GPC6: variants seen among roughly 807,000 people sequenced by gnomAD.
GPC6 encodes glypican-6.
Under a neutral mutation model 55.2 loss-of-function variants are expected in GPC6, and 14 were observed. The ratio of observed to expected loss-of-function variants is 0.25; its 90% CI spans 0.17 to 0.40. The LOEUF (loss-of-function observed/expected upper bound fraction) is 0.40. Ranked by LOEUF, GPC6 falls within the 10% of genes least tolerant of loss-of-function variation. The pLI is 1.00. For synonymous variants in GPC6, 278 were observed against 259.6 expected (o/e 1.07, Z -0.68); for missense variants, 641 against 708.5 (o/e 0.90, Z 1.08).
chr13:93,895,334 TG>T (rs1375887521), intron 3 of GPC6, among the ~76,000 whole-genome samples: 1 of 148,176 alleles, frequency 6.7e-6, no homozygotes, highest in Non-Finnish European at 1.5e-5. Context: ...GAGTCTGTGC[TG>T]GGCAATCATC....
intron 1 of GPC6, among the ~76,000 whole-genome samples, chr13:93,440,137 C>A (rs1249540696): frequency 5.3e-5 from 8 of 152,098 alleles, no homozygotes; most frequent in Non-Finnish European, 1.2e-4. Flanking sequence ...TATCTTGAGA[C>A]CTGATAATCA....
chr13:93,231,380 C>CACATAT (rs1566533500), intron 1 of GPC6, among the ~76,000 whole-genome samples: 1 of 30,938 alleles, frequency 3.2e-5, no homozygotes, highest in Non-Finnish European at 6.0e-5. Flanking sequence ...TATATATATA[C>CACATAT]ATATATATAT....
intron 6 of GPC6, among the ~76,000 whole-genome samples, chr13:94,316,262 G>C (rs979735027): frequency 6.6e-6 from 1 of 151,956 alleles, no homozygotes; most frequent in Non-Finnish European, 1.5e-5. Flanking sequence ...ATCCTTTTTC[G>C]GTCAGGCTGA....
chr13:93,726,512 C>T (rs1883649363), intron 2 of GPC6, among the ~76,000 whole-genome samples: 1 of 152,038 alleles, frequency 6.6e-6, no homozygotes, highest in African/African-American at 2.4e-5. Context: ...TATTTTCCTT[C>T]CCTCGGGGTA....
chr13:93,991,608 G>C (rs988065833), intron 3 of GPC6, among the ~76,000 whole-genome samples: 2 of 152,072 alleles, frequency 1.3e-5, no homozygotes, highest in African/African-American at 4.8e-5. Context: ...ATGCCATTCT[G>C]TAGTGGTAGT....
chr13:94,258,410 G>C (rs1312044909), intron 4 of GPC6, among the ~76,000 whole-genome samples: 1 of 152,142 alleles, frequency 6.6e-6, no homozygotes, highest in Non-Finnish European at 1.5e-5. Flanking sequence ...ATTCAAAGTT[G>C]AATTACCATG....
chr13:94,093,490 G>C (rs1885560311), intron 4 of GPC6, among the ~76,000 whole-genome samples: 1 of 151,990 alleles, frequency 6.6e-6, no homozygotes, highest in African/African-American at 2.4e-5. Context: ...GTGCCATGCT[G>C]TTTTGATTAC....
intron 6 of GPC6, among the ~76,000 whole-genome samples, chr13:94,364,316 A>G (rs1879194195): frequency 6.6e-6 from 1 of 152,230 alleles, no homozygotes; most frequent in African/African-American, 2.4e-5. Flanking sequence ...GGGTCTAATC[A>G]TAAGCAGAGT....
chr13:93,319,832 T>C (rs575761418), intron 1 of GPC6, among the ~76,000 whole-genome samples: 5 of 152,032 alleles, frequency 3.3e-5, no homozygotes, highest in Non-Finnish European at 7.4e-5. Flanking sequence ...AAAATACATA[T>C]GTATTTTTCT....
At chr13:93,568,682 A>T (rs1365680747) in intron 2 of GPC6, among the ~76,000 whole-genome samples, 1 of 152,196 alleles carries the variant, frequency 6.6e-6, no homozygotes, top group East Asian at 1.9e-4. Flanking sequence ...ACCTCTGCAC[A>T]TCCTTACAAC....
intron 1 of GPC6, among the ~76,000 whole-genome samples, chr13:93,454,388 A>G (rs1285453698): frequency 7.8e-6 from 1 of 128,784 alleles, no homozygotes; most frequent in Admixed American, 7.9e-5. Flanking sequence ...ACCCTGAGCT[A>G]GACACAGGGT....
At chr13:93,741,900 A>G (rs754103137) in intron 2 of GPC6, among the ~76,000 whole-genome samples, 4 of 152,208 alleles carry the variant, frequency 2.6e-5, no homozygotes, top group African/African-American at 9.6e-5. Flanking sequence ...CCAATTTTAT[A>G]GTTTTCACTA....
At chr13:94,202,578 T>C (rs1158924184) in intron 4 of GPC6, among the ~76,000 whole-genome samples, 1 of 152,088 alleles carries the variant, frequency 6.6e-6, no homozygotes, top group Non-Finnish European at 1.5e-5. Context: ...TCCCACCGGG[T>C]CCCTCCCACA....
chr13:93,584,489 CTG>C (rs1188284190), intron 2 of GPC6, among the ~76,000 whole-genome samples: 3 of 151,812 alleles, frequency 2.0e-5, no homozygotes, highest in Non-Finnish European at 4.4e-5. Context: ...GAATGTGTGT[CTG>C]TGTATGCATC....
chr13:93,529,143 C>T (rs1398460262), intron 1 of GPC6, among the ~76,000 whole-genome samples: 1 of 152,098 alleles, frequency 6.6e-6, no homozygotes, highest in Admixed American at 6.6e-5. Context: ...AATATTTTTA[C>T]TTCTTATGAT....
chr13:93,448,350 G>C (rs542447394), intron 1 of GPC6, among the ~76,000 whole-genome samples: 1 of 152,198 alleles, frequency 6.6e-6, no homozygotes, highest in East Asian at 1.9e-4. Context: ...ATATAGCCTT[G>C]GTGTACAGTA....
chr13:93,750,328 G>A lies in GPC6; in HGVS notation c.320-79826G>A, dbSNP rs537402765. 3.9e-5 allele frequency among the ~76,000 whole-genome samples: 6 copies of A among 152,268 alleles called. No homozygotes were observed. The South Asian group carries it at 1.2e-3, about 32-fold the overall frequency. On this transcript the variant is annotated intron_variant, in intron 2 of 8. Coordinates refer to ENST00000377047, the MANE Select transcript of GPC6 (RefSeq NM_005708.5). ...ACTAGAATACAAGGAGCTACTGCTG[G>A]AAGGTAGTTAACCTTTTTTCCCTTT...
intron 4 of GPC6, among the ~76,000 whole-genome samples, chr13:94,239,045 T>C (rs1890969441): frequency 6.6e-6 from 1 of 152,160 alleles, no homozygotes; most frequent in East Asian, 1.9e-4. Context: ...CTTAAGTTAA[T>C]AACGTGAATA....
chr13:94,091,694 T>G (rs1885483253), intron 4 of GPC6, among the ~76,000 whole-genome samples: 1 of 152,104 alleles, frequency 6.6e-6, no homozygotes, highest in Non-Finnish European at 1.5e-5. Flanking sequence ...AATCTAATCT[T>G]TAAAACTTGG....
Sources: allele counts gnomAD v4.1 joint callset (sites outside exome capture counted in the v4.1 genomes callset), GRCh38; gene constraint gnomAD v4.1.1; transcripts MANE v1.5; gene names NCBI Gene and HGNC (gene_info 2026-07-23, HGNC 2026-07-21).